LDAH: variants seen among roughly 807,000 people sequenced by gnomAD.
The protein encoded by LDAH is lipid droplet-associated hydrolase.
A neutral mutation model predicts 29.6 loss-of-function variants in LDAH; 26 were observed. The ratio of observed to expected loss-of-function variants is 0.88; its 90% CI spans 0.64 to 1.22. The LOEUF is 1.22. Among genes scored for constraint, LDAH ranks in the 50% most tolerant of loss-of-function variants. The pLI is 0.00. For synonymous variants in LDAH, 117 were observed against 133.0 expected, an observed-to-expected ratio of 0.88 and a Z score of 0.83; for missense variants, 344 against 387.3, an observed-to-expected ratio of 0.89 and a Z score of 0.94.
At chr2:20,756,505 A>G (rs1476391384) in intron 4 of LDAH, among the ~76,000 whole-genome samples, 1 of 152,178 alleles carries the variant, frequency 6.6e-6, no homozygotes, top group Non-Finnish European at 1.5e-5. Flanking sequence ...TTTTCCTGAG[A>G]GAGAGAGAAA....
intron 5 of LDAH, among the ~76,000 whole-genome samples, chr2:20,726,525 T>C (rs1666025186): frequency 6.6e-6 from 1 of 152,212 alleles, no homozygotes; most frequent in African/African-American, 2.4e-5. Context: ...TAGGACCAGA[T>C]AGTCTTAGAA....
intron 1 of LDAH, among the ~76,000 whole-genome samples, chr2:20,818,654 A>C (rs1159424118): frequency 1.3e-5 from 2 of 152,144 alleles, no homozygotes; most frequent in African/African-American, 4.8e-5. Flanking sequence ...TAATAGAACA[A>C]GAAATTGAAG....
intron 1 of LDAH, among the ~76,000 whole-genome samples, chr2:20,802,190 G>A (rs1204784619): frequency 6.6e-6 from 1 of 151,848 alleles, no homozygotes; most frequent in Non-Finnish European, 1.5e-5. Context: ...CTCCTGAGTA[G>A]CTGGGACTAC....
At chr2:20,775,396 C>A (rs1190674916) in intron 3 of LDAH, among the ~76,000 whole-genome samples, 2 of 152,146 alleles carry the variant, frequency 1.3e-5, no homozygotes, top group Non-Finnish European at 2.9e-5. Context: ...TATTGCTGGG[C>A]TCCACACCCC....
intron 6 of LDAH, among the ~76,000 whole-genome samples, chr2:20,688,273 G>A (rs746154457): frequency 1.3e-5 from 2 of 152,136 alleles, no homozygotes; most frequent in Non-Finnish European, 2.9e-5. Context: ...AGCACACTGT[G>A]GGGAGAAGAC....
At chr2:20,741,649 T>C (rs1158675317) in intron 4 of LDAH, among the ~76,000 whole-genome samples, 1 of 152,218 alleles carries the variant, frequency 6.6e-6, no homozygotes, top group Non-Finnish European at 1.5e-5. Context: ...CCCCAGACTC[T>C]AGTAACCACC....
At chr2:20,763,801 A>T (rs891843997) in intron 4 of LDAH, among the ~76,000 whole-genome samples, 1 of 152,244 alleles carries the variant, frequency 6.6e-6, no homozygotes, top group Non-Finnish European at 1.5e-5. Context: ...TTTAAATCTG[A>T]AAAGTGTTCA....
At chr2:20,804,593 G>A (rs1295172596) in intron 1 of LDAH, among the ~76,000 whole-genome samples, 1 of 152,024 alleles carries the variant, frequency 6.6e-6, no homozygotes, top group Admixed American at 6.6e-5. Context: ...CTCTAAGTTG[G>A]TTATAATTTA....
At chr2:20,751,043 T>C (rs1371294877) in intron 4 of LDAH, among the ~76,000 whole-genome samples, 2 of 152,242 alleles carry the variant, frequency 1.3e-5, no homozygotes, top group Non-Finnish European at 2.9e-5. Context: ...TATTGGGTAC[T>C]ATGCTCACTA....
intron 5 of LDAH, among the ~76,000 whole-genome samples, chr2:20,738,758 G>GA (rs75823695): frequency 0.4 from 60,272 of 151,964 alleles, 12,712 homozygotes; most frequent in South Asian, 0.64. Context: ...ATGGAAGGGG[G>GA]AAAAAATCTA....
chr2:20,775,510 C>G (rs1052535974), intron 3 of LDAH, among the ~76,000 whole-genome samples: 3 of 152,118 alleles, frequency 2.0e-5, no homozygotes, highest in African/African-American at 7.2e-5. Flanking sequence ...CATTGAGAAC[C>G]AGCTGCTTAG....
In LDAH at chr2:20,687,079, CATA is replaced by C; in HGVS notation, c.799_801del (p.Tyr267del). ...TTTGGACACCAAGGATCTATAGTAC[CATA>C]ATAAAATGTAAGCTGAAAGACAAGA... On this transcript the variant is annotated inframe_deletion, in exon 7 of 7. Coordinates refer to ENST00000237822, the MANE Select transcript of LDAH (RefSeq NM_021925.4). 1.2e-6 allele frequency: 2 copies of C among 1,604,110 alleles called. No individual in the cohort carries two copies. Among genetic ancestry groups the C allele is most frequent in the East Asian group, 4.5e-5 (2 of 44,736 alleles).
intron 6 of LDAH, among the ~76,000 whole-genome samples, chr2:20,697,312 A>T (rs374577456): frequency 1.3e-5 from 2 of 152,296 alleles, no homozygotes; most frequent in South Asian, 4.1e-4. Context: ...CTTTGATTCT[A>T]TCTCCTAAAT....
intron 3 of LDAH, among the ~76,000 whole-genome samples, chr2:20,781,505 A>C (rs1670189844): frequency 1.3e-5 from 2 of 152,240 alleles, no homozygotes; most frequent in East Asian, 1.9e-4. Context: ...CTTGGACAGC[A>C]AATAATATAT....
intron 1 of LDAH, among the ~76,000 whole-genome samples, chr2:20,819,997 GTGAACTC>G (rs1673140965): frequency 6.6e-6 from 1 of 151,366 alleles, no homozygotes; most frequent in Admixed American, 6.6e-5. Context: ...CAAATCATGA[GTGAACTC>G]CCATTCACAA....
At chr2:20,696,392 C>T (rs1321447319) in intron 6 of LDAH, among the ~76,000 whole-genome samples, 1 of 152,208 alleles carries the variant, frequency 6.6e-6, no homozygotes, top group East Asian at 1.9e-4. Flanking sequence ...CACTGTAGCC[C>T]TGGCCTGGCC....
intron 6 of LDAH, among the ~76,000 whole-genome samples, chr2:20,690,165 A>C (rs1662893526): frequency 6.6e-6 from 1 of 151,928 alleles, no homozygotes; most frequent in Non-Finnish European, 1.5e-5. Context: ...TAAGGCAGTG[A>C]TTTGAGCAGG....
chr2:20,771,465 A>G (rs1035023713), intron 4 of LDAH, among the ~76,000 whole-genome samples: 1 of 152,260 alleles, frequency 6.6e-6, no homozygotes, highest in African/African-American at 2.4e-5. Context: ...GGATTGTAAC[A>G]TTCTGGCTTA....
At chr2:20,688,068 T>G (rs539964190) in intron 6 of LDAH, among the ~76,000 whole-genome samples, 5 of 152,284 alleles carry the variant, frequency 3.3e-5, no homozygotes, top group African/African-American at 1.2e-4. Flanking sequence ...CCTTTGTTCA[T>G]CAAATACAAA....
Sources: allele counts gnomAD v4.1 joint callset (sites outside exome capture counted in the v4.1 genomes callset), GRCh38; gene constraint gnomAD v4.1.1; transcripts MANE v1.5; gene names NCBI Gene and HGNC (gene_info 2026-07-23, HGNC 2026-07-21).